The following XYLT2 variants were observed in gnomAD, a reference collection of about 807,000 sequenced individuals.
The protein encoded by XYLT2 is UDP-D-xylose:proteoglycan core protein beta-D-xylosyltransferase.
In XYLT2, 37 loss-of-function variants were observed where a neutral mutation model predicts 82.6. That is an observed-to-expected ratio of 0.45 (90% CI 0.34 to 0.59). The LOEUF (loss-of-function observed/expected upper bound fraction) is 0.59, where lower values mean the gene tolerates loss of function less well. Ranked by LOEUF, XYLT2 falls within the 20% of genes least tolerant of loss-of-function variation. The pLI is 0.01. For synonymous variants in XYLT2, 474 were observed against 499.0 expected (o/e 0.95, Z 0.67); for missense variants, 934 against 1,181.3 (o/e 0.79, Z 3.07).
At position 50,355,785 on chromosome 17, in the gene XYLT2, A is replaced by G; in HGVS notation, c.1093A>G (p.Ile365Val). The G allele has an allele frequency of 3.1e-6, 5 of 1,614,140 alleles. No homozygotes were observed. The highest frequency in any genetic ancestry group is 4.2e-6 in the Non-Finnish European group (5 of 1,180,030). Residue 365 changes from isoleucine (I) to valine (V), a missense_variant, in exon 6 of 11, where the codon ATC (isoleucine) becomes GTC (valine). Ile to Val is a conservative substitution (Grantham distance 29, BLOSUM62 3). This residue lies in a region of XYLT2 where 189 missense variants were observed against 320.8 expected (regional missense o/e 0.59). Coordinates refer to ENST00000017003, the MANE Select transcript of XYLT2 (RefSeq NM_022167.4). ...KSHGRDNSRF[I>V]KKQGLDRLFH... ...TGGCCTCTCTGCTGCCCACAGGTTCATCAAGAAACAGGGCCTGGACCGGCT... is the reference window on the plus strand; with the variant it reads ...TGGCCTCTCTGCTGCCCACAGGTTCGTCAAGAAACAGGGCCTGGACCGGCT...
At chr17:50,359,249 C>G (rs1912693880) in intron 10 of XYLT2, 1 of 152,548 alleles carries the variant, frequency 6.6e-6, no homozygotes, top group African/African-American at 2.4e-5. Flanking sequence ...AACAGAGACA[C>G]AGGCTGGGCA....
chr17:50,355,501 G>A lies in XYLT2; in HGVS notation c.1008G>A (p.Arg336=). 2 of 1,614,064 alleles carry A rather than the reference G, an allele frequency of 1.2e-6. No homozygotes were observed. Among genetic ancestry groups the A allele is most frequent in the Non-Finnish European group, 1.7e-6 (2 of 1,179,978 alleles). ...INLSATDYPT[R]TNEELVAFLS... is the part of the protein sequence containing the mutation. ...GCCTGTCACCCCATTCCTTCACCAG[G>A]ACCAATGAGGAGCTGGTGGCATTCC... Residue 336 remains arginine, a splice_region_variant and synonymous_variant, in exon 5 of 11, where the codon AGG becomes AGA. Coordinates refer to ENST00000017003, the MANE Select transcript of XYLT2 (RefSeq NM_022167.4).
rs772546733 is a variant in XYLT2, at chr17:50,358,309, C to A, written c.2044C>A (p.Pro682Thr). 8 of 1,613,926 alleles carry A rather than the reference C, an allele frequency of 5.0e-6. No homozygotes were observed. The highest frequency in any genetic ancestry group is 6.8e-6 in the Non-Finnish European group (8 of 1,180,044). Reference sequence around the variant, plus strand: ...GGCCGTGCAGCGCTGGGCCCGGGGCCCCAACCTCACAGCCACAGTGGTCTG... The same window carrying A: ...GGCCGTGCAGCGCTGGGCCCGGGGCACCAACCTCACAGCCACAGTGGTCTG... ...PVAVQRWARG[P>T]NLTATVVWID... The change falls in exon 10 of 11, where the codon CCC becomes ACC. Residue 682 changes from proline to threonine, a missense_variant. Pro to Thr is a conservative substitution (Grantham distance 38, BLOSUM62 -1). Transcript: ENST00000017003.
In XYLT2 at chr17:50,346,152, C is replaced by G. The variant is rs1478611398; in HGVS notation, c.12C>G (p.Ser4Arg). 5 of 1,263,078 alleles carry G rather than the reference C, an allele frequency of 4.0e-6. No individual in the cohort carries two copies. Among genetic ancestry groups the G allele is most frequent in the Non-Finnish European group, 5.1e-6 (5 of 979,156 alleles). 78.2% of individuals were successfully genotyped at this position (1,263,078 alleles called of 1,614,324 possible). A position where few individuals can be genotyped will look rare whatever the true frequency, so the allele number is the denominator to read the frequency against. The change falls in exon 1 of 11, where the codon AGC becomes AGG. Residue 4 changes from serine (S) to arginine (R), a missense_variant. Physicochemically the swap from Ser to Arg is moderately radical, Grantham distance 110. This residue lies in a region of XYLT2 where 371 missense variants were observed against 394.9 expected (regional missense o/e 0.94). Transcript: ENST00000017003. This position sits in a 1 kb window ranked among gnomAD's most constrained non-coding sequence, Gnocchi z 5.1. MVA[S>R]ARVQKLVRRY... is the part of the protein sequence containing the mutation. ...TCCCGGGCAGGAAGATGGTGGCGAG[C>G]GCGCGAGTGCAGAAGCTGGTGCGGC...
intron 1 of XYLT2, among the ~76,000 whole-genome samples, chr17:50,350,576 CACTT>C (rs951978347): frequency 2.0e-5 from 3 of 151,914 alleles, no homozygotes; most frequent in Non-Finnish European, 4.4e-5. Flanking sequence ...GAAAAACAAA[CACTT>C]ACTGAGTGTG....
In XYLT2 at chr17:50,353,931, G is replaced by C. The variant is rs1459449407; in HGVS notation, c.437G>C (p.Ser146Thr). Residue 146 changes from serine (S) to threonine (T), a missense_variant, in exon 2 of 11, where the codon AGC becomes ACC. Ser to Thr is a moderately conservative substitution (Grantham distance 58). This residue lies in a region of XYLT2 where 371 missense variants were observed against 394.9 expected (regional missense o/e 0.94). Coordinates refer to ENST00000017003, the MANE Select transcript of XYLT2 (RefSeq NM_022167.4). Reference protein sequence around the residue: ...AGFPPHGDTGSVEGAPQPTDN... With the variant: ...AGFPPHGDTGTVEGAPQPTDN... Reference sequence around the variant, plus strand: ...TTCCCACCACACGGAGATACAGGGAGCGTGGAGGGCGCCCCCCAGCCCACG... The same window carrying C: ...TTCCCACCACACGGAGATACAGGGACCGTGGAGGGCGCCCCCCAGCCCACG... The C allele has an allele frequency of 6.2e-6, 10 of 1,607,724 alleles. No individual in the cohort carries two copies. The highest frequency in any genetic ancestry group is 1.6e-4 in the Middle Eastern group (1 of 6,062).
rs369917912 is a variant in XYLT2, at chr17:50,356,611, C to T, written c.1583C>T (p.Pro528Leu). ...TTCCACCTGTATGGCAGCTACCCCCCCGGCACGCCAGCCCTCAAGGCCTAC... is the reference window on the plus strand; with the variant it reads ...TTCCACCTGTATGGCAGCTACCCCCTCGGCACGCCAGCCCTCAAGGCCTAC... ...LDFHLYGSYP[P>L]GTPALKAYWE... Residue 528 changes from proline to leucine, a missense_variant, in exon 8 of 11, where the codon CCC (proline) becomes CTC (leucine). Coordinates refer to ENST00000017003, the MANE Select transcript of XYLT2 (RefSeq NM_022167.4). 2.5e-6 allele frequency: 4 copies of T among 1,614,044 alleles called. No homozygotes were observed. The Admixed American group carries it at 5.0e-5, about 20-fold the overall frequency.
rs386386236 is a variant in XYLT2 at position 50,360,571 on chromosome 17, CTTTTTTTT to C, written c.*292_*299del. 3.6e-5 allele frequency: 35 copies of C among 979,878 alleles called. No homozygotes were observed. The highest frequency in any genetic ancestry group is 9.7e-5 in the South Asian group (2 of 20,720). The allele number at this position is 979,878 out of a possible 1,614,324, so 60.7% of individuals were successfully genotyped here. ...TGTCTAGTTTGAATTTCTTTTTTTT[CTTTTTTTT>C]TTTTTTTTTTTAATTTAAAAAGGAA... On this transcript the variant is annotated 3_prime_UTR_variant, in exon 11 of 11. Transcript: ENST00000017003.
chr17:50,361,053 ACT>A lies in XYLT2; in HGVS notation c.*765_*766del, dbSNP rs1484507848. On this transcript the variant is annotated 3_prime_UTR_variant, in exon 11 of 11. Coordinates refer to ENST00000017003, the MANE Select transcript of XYLT2 (RefSeq NM_022167.4). ...GTCACATGAGCAGCGTGGGAAGAAG[ACT>A]CTGTCAAGACTCTCAGAAGAACCTG... 21 of 985,738 alleles carry A rather than the reference ACT, an allele frequency of 2.1e-5. No individual in the cohort carries two copies. Among genetic ancestry groups the A allele is most frequent in the Admixed American group, 6.1e-5 (1 of 16,270 alleles). The allele number at this position is 985,738 out of a possible 1,614,324, so 61.1% of individuals were successfully genotyped here.
chr17:50,349,954 G>A (rs143998726), intron 1 of XYLT2, among the ~76,000 whole-genome samples: 3,090 of 151,158 alleles, frequency 0.02, 106 homozygotes, highest in African/African-American at 0.07. Context: ...AGGCTGAGGC[G>A]GGCAGATCAC....
chr17:50,358,876 T>C (rs1912673272), intron 10 of XYLT2: 1 of 233,354 alleles, frequency 4.3e-6, no homozygotes, highest in African/African-American at 2.2e-5. Context: ...TCCTGGTTCA[T>C]GCAACACAAA....
At position 50,360,813 on chromosome 17, in the gene XYLT2, G is replaced by T. The variant is rs1248786553; in HGVS notation, c.*522G>T. The T allele has an allele frequency of 1.0e-6, 1 of 985,982 alleles. No individual in the cohort carries two copies. Among genetic ancestry groups the T allele is most frequent in the African/African-American group, 1.7e-5 (1 of 57,238 alleles). The allele number at this position is 985,982 out of a possible 1,614,324, so 61.1% of individuals were successfully genotyped here. A position where few individuals can be genotyped will look rare whatever the true frequency, so the allele number is the denominator to read the frequency against. ...TGGCTGAGGCTCCACAGGGCTGCAA[G>T]TGCCCTGCCAGGCTCTAAGGCCCGA... is the stretch of plus-strand genomic sequence containing the variant. On this transcript the variant is annotated 3_prime_UTR_variant, in exon 11 of 11. Coordinates refer to ENST00000017003, the MANE Select transcript of XYLT2 (RefSeq NM_022167.4).
intron 3 of XYLT2, 93 bp from the exon 4 acceptor site, chr17:50,354,761 C>T: frequency 6.3e-7 from 1 of 1,575,556 alleles, no homozygotes; most frequent in Admixed American, 1.7e-5. Context: ...CTGCCCTGTG[C>T]TTTCCTCGTC....
chr17:50,356,034 G>A (rs367866995), intron 6 of XYLT2, 37 bp downstream of exon 6: 28 of 1,613,996 alleles, frequency 1.7e-5, no homozygotes, highest in African/African-American at 9.3e-5. Flanking sequence ...CAGGGAGGGC[G>A]TGGGTTGGGC....
At position 50,360,567 on chromosome 17, in the gene XYLT2, TTTTC is replaced by T. The variant is rs1248045368; in HGVS notation, c.*280_*283del. The T allele has an allele frequency of 3.7e-6, 4 of 1,080,968 alleles. No individual in the cohort carries two copies. The highest frequency in any genetic ancestry group is 4.4e-6 in the Non-Finnish European group (4 of 904,866). 67.0% of individuals were successfully genotyped at this position (1,080,968 alleles called of 1,614,324 possible). ...TTCCTGTCTAGTTTGAATTTCTTTTTTTTCTTTTTTTTTTTTTTTTTTTAATTTA... is the reference window on the plus strand; with the variant it reads ...TTCCTGTCTAGTTTGAATTTCTTTTTTTTTTTTTTTTTTTTTTTTAATTTA... On this transcript the variant is annotated 3_prime_UTR_variant, in exon 11 of 11. Coordinates refer to ENST00000017003, the MANE Select transcript of XYLT2 (RefSeq NM_022167.4).
At chr17:50,353,478 G>A in intron 1 of XYLT2, 152 bp from the exon 2 acceptor site, 1 of 1,249,314 alleles carries the variant, frequency 8.0e-7, no homozygotes, top group Non-Finnish European at 1.1e-6. Context: ...TGGTGGTACT[G>A]ATTGTGCGGA....
rs1222605566 is a variant in XYLT2, at chr17:50,353,890, G to A, written c.396G>A (p.Leu132=). 1 of 1,608,750 alleles carries A rather than the reference G, an allele frequency of 6.2e-7. No individual in the cohort carries two copies. Among genetic ancestry groups the A allele is most frequent in the African/African-American group, 1.3e-5 (1 of 74,914 alleles). Residue 132 remains leucine, a synonymous_variant, in exon 2 of 11, where the codon CTG becomes CTA. Coordinates refer to ENST00000017003, the MANE Select transcript of XYLT2 (RefSeq NM_022167.4). The part of the protein sequence containing the change: ...NLSGAAAGEA[L]VGAAGFPPHG... Reference sequence around the variant, plus strand: ...GTGGGGCAGCAGCTGGGGAGGCGCTGGTAGGGGCAGCTGGCTTCCCACCAC... The same window carrying A: ...GTGGGGCAGCAGCTGGGGAGGCGCTAGTAGGGGCAGCTGGCTTCCCACCAC...
At position 50,353,816 on chromosome 17, in the gene XYLT2, C is replaced by T. The variant is rs764731332; in HGVS notation, c.322C>T (p.Arg108Trp). 5.3e-5 allele frequency: 83 copies of T among 1,577,082 alleles called. No homozygotes were observed. The East Asian group carries it at 1.1e-3, about 20-fold the overall frequency. ...AACCAGCCGGCAGAGAGCCAGCCGG[C>T]GGGTCCCACCTGCCCCACCCCCGGA... ...AVTSRQRASRRVPPAPPPEAP... is the reference protein window; with the variant it reads ...AVTSRQRASRWVPPAPPPEAP... The change falls in exon 2 of 11, where the codon CGG (arginine) becomes TGG (tryptophan). Residue 108 changes from arginine (R) to tryptophan (W), a missense_variant. By Grantham distance (101) the Arg-to-Trp change is moderately radical (BLOSUM62 -3). Coordinates refer to ENST00000017003, the MANE Select transcript of XYLT2 (RefSeq NM_022167.4).
chr17:50,357,349 T>C, intron 9 of XYLT2, 97 bp downstream of exon 9: 1 of 1,300,526 alleles, frequency 7.7e-7, no homozygotes, highest in Non-Finnish European at 1.0e-6. Flanking sequence ...TAAGGTTATT[T>C]TTCCCAGTCA....
Sources: gnomAD v4.1 joint callset for allele counts (sites outside exome capture counted in the v4.1 genomes callset) on GRCh38, gnomAD v4.1.1 for gene constraint, gnomAD v4.1.1 regional missense constraint, Gnocchi (gnomAD v3.1) non-coding constraint, MANE v1.5 for transcripts, NCBI Gene and HGNC (gene_info 2026-07-23, HGNC 2026-07-21) for gene names.